ZFHX3: variants seen among roughly 807,000 people sequenced by gnomAD.
ZFHX3 encodes zinc finger homeobox 3.
A neutral mutation model predicts 279.1 loss-of-function variants in ZFHX3; 42 were observed. The observed-to-expected ratio is 0.15, with a 90% CI of 0.12 to 0.19. ZFHX3 has a LOEUF of 0.19. Ranked by LOEUF, ZFHX3 falls within the 10% of genes least tolerant of loss-of-function variation. ZFHX3 has a pLI of 1.00. For synonymous variants in ZFHX3, 2,293 were observed against 1,957.8 expected (o/e 1.17, Z -4.52); for missense variants, 4,981 against 4,754.0 (o/e 1.05, Z -1.40).
At chr16:72,896,803 A>C (rs2038912611) in intron 3 of ZFHX3, among the ~76,000 whole-genome samples, 1 of 152,202 alleles carries the variant, frequency 6.6e-6, no homozygotes, top group Non-Finnish European at 1.5e-5. Context: ...TGGAATGCAA[A>C]ATATTGATCA....
intron 3 of ZFHX3, among the ~76,000 whole-genome samples, chr16:73,453,305 A>C (rs1164883630): frequency 6.6e-6 from 1 of 152,122 alleles, no homozygotes; most frequent in African/African-American, 2.4e-5. Flanking sequence ...CTGAATCTGA[A>C]CTGACCTGTG....
chr16:73,186,531 C>G (rs1967912256), intron 5 of ZFHX3, among the ~76,000 whole-genome samples: 1 of 151,458 alleles, frequency 6.6e-6, no homozygotes, highest in South Asian at 2.1e-4. Flanking sequence ...GATATACCAG[C>G]CAATTCCCTA....
chr16:73,559,372 C>T (rs1372040693), intron 2 of ZFHX3, among the ~76,000 whole-genome samples: 1 of 152,102 alleles, frequency 6.6e-6, no homozygotes, highest in African/African-American at 2.4e-5. Context: ...AAGTACAAGT[C>T]AAGGGTTCCA....
chr16:73,719,184 T>A (rs77101650), intron 1 of ZFHX3, among the ~76,000 whole-genome samples: 1,692 of 152,288 alleles, frequency 0.011, 32 homozygotes, highest in African/African-American at 0.039. Context: ...GAGTATTGAG[T>A]CTGAGTGATA....
At chr16:73,321,928 G>C (rs1283597268) in intron 3 of ZFHX3, among the ~76,000 whole-genome samples, 1 of 152,196 alleles carries the variant, frequency 6.6e-6, no homozygotes, top group Non-Finnish European at 1.5e-5. Flanking sequence ...CTGCACTCAT[G>C]TTCCCTCCTG....
At position 73,658,947 on chromosome 16, in the gene ZFHX3, C is replaced by T. The variant is rs866429438; in HGVS notation, c.-1547+21233G>A. 3.3e-5 allele frequency among the ~76,000 whole-genome samples: 5 copies of T among 152,000 alleles called. No homozygotes were observed. In the East Asian group the frequency reaches 7.7e-4, roughly 24 times the overall value. On this transcript the variant is annotated intron_variant, in intron 2 of 17. Transcript: ENST00000641206. Reference sequence around the variant, plus strand: ...CAAGAACTACTATAATCAGGTGGCACTAACTTTCCCCCCAAATCCACCCAG... The same window carrying T: ...CAAGAACTACTATAATCAGGTGGCATTAACTTTCCCCCCAAATCCACCCAG...
intron 2 of ZFHX3, among the ~76,000 whole-genome samples, chr16:73,626,962 C>G (rs2052422830): frequency 6.6e-6 from 1 of 152,168 alleles, no homozygotes; most frequent in South Asian, 2.1e-4. Flanking sequence ...TATACTTCTA[C>G]TGTAGCCATA....
chr16:73,466,606 A>G (rs1597346357), intron 2 of ZFHX3, among the ~76,000 whole-genome samples: 1 of 152,208 alleles, frequency 6.6e-6, no homozygotes, highest in Non-Finnish European at 1.5e-5. Flanking sequence ...GGGAAAAAAA[A>G]TAGCTGATCT....
At chr16:73,273,560 A>G (rs1290433077) in intron 4 of ZFHX3, among the ~76,000 whole-genome samples, 1 of 152,200 alleles carries the variant, frequency 6.6e-6, no homozygotes, top group Non-Finnish European at 1.5e-5. Flanking sequence ...CAAAGGACTC[A>G]TACTGAACCA....
intron 5 of ZFHX3, among the ~76,000 whole-genome samples, chr16:73,220,779 T>C (rs1040910918): frequency 2.6e-5 from 4 of 152,030 alleles, no homozygotes; most frequent in African/African-American, 9.7e-5. Flanking sequence ...TGTGTGTGTT[T>C]GTGTGTGTGT....
Position 73,805,319 on chromosome 16 carries a change from C to G in ZFHX3, c.-1608+86332G>C, listed in dbSNP as rs1960249601. Among the ~76,000 whole-genome samples, 8 of 152,158 alleles carry G rather than the reference C, an allele frequency of 5.3e-5. No homozygotes were observed. In the South Asian group the frequency reaches 1.7e-3, roughly 32 times the overall value. On this transcript the variant is annotated intron_variant, in intron 1 of 17. Transcript: ENST00000641206. ...AAGTAGCTGGGATTACAGGCACCTG[C>G]CACTACGCCTGGCTAATTTTTGTAT...
intron 3 of ZFHX3, among the ~76,000 whole-genome samples, chr16:73,325,584 G>A (rs369080279): frequency 6.6e-6 from 1 of 152,114 alleles, no homozygotes; most frequent in South Asian, 2.1e-4. Context: ...TCTTCAAAGT[G>A]TCCAGAAGTA....
chr16:73,309,755 A>G (rs1032247526), intron 4 of ZFHX3, among the ~76,000 whole-genome samples: 3 of 152,184 alleles, frequency 2.0e-5, no homozygotes. Context: ...CAGCAGGACA[A>G]TAATGCTTAA....
At chr16:73,460,294 A>G (rs78106361) in intron 2 of ZFHX3, among the ~76,000 whole-genome samples, 3 of 152,088 alleles carry the variant, frequency 2.0e-5, no homozygotes, top group East Asian at 3.9e-4. Flanking sequence ...GCCTGTATCA[A>G]TTGTTTGCTC....
At chr16:73,026,496 A>T (rs1964505556) in intron 1 of ZFHX3, among the ~76,000 whole-genome samples, 1 of 151,798 alleles carries the variant, frequency 6.6e-6, no homozygotes, top group Non-Finnish European at 1.5e-5. Flanking sequence ...ACATGGTGAA[A>T]CCCTGTCTCT....
At chr16:73,694,407 GA>G (rs1197563423) in intron 1 of ZFHX3, among the ~76,000 whole-genome samples, 1 of 152,006 alleles carries the variant, frequency 6.6e-6, no homozygotes, top group African/African-American at 2.4e-5. Context: ...TCAGTGGTGC[GA>G]TATCGGCTTA....
chr16:73,494,010 G>A (rs1046494449), intron 2 of ZFHX3, among the ~76,000 whole-genome samples: 2 of 151,726 alleles, frequency 1.3e-5, no homozygotes, highest in African/African-American at 4.8e-5. Context: ...CCTTCTCCTT[G>A]AAGACTCCAT....
intron 1 of ZFHX3, among the ~76,000 whole-genome samples, chr16:73,791,078 C>T (rs1012799005): frequency 6.6e-6 from 1 of 152,130 alleles, no homozygotes; most frequent in African/African-American, 2.4e-5. Context: ...GATCCTCCCT[C>T]CTCAGCCTCC....
At position 73,851,125 on chromosome 16, in the gene ZFHX3, C is replaced by T. The variant is rs551738271; in HGVS notation, c.-1608+40526G>A. On this transcript the variant is annotated intron_variant, in intron 1 of 17. Coordinates refer to the ZFHX3 transcript ENST00000641206. ...TCTTACTGCTGTCAAAACATGGTTA[C>T]GAACGATTTTTTTCTGCAAAGAGCT... is the stretch of plus-strand genomic sequence containing the variant. Among the ~76,000 whole-genome samples, 7 of 152,182 alleles carry T rather than the reference C, an allele frequency of 4.6e-5. No individual in the cohort carries two copies. In the South Asian group the frequency reaches 1.2e-3, roughly 27 times the overall value.
Sources: gnomAD v4.1 joint callset for allele counts (sites outside exome capture counted in the v4.1 genomes callset) on GRCh38, gnomAD v4.1.1 for gene constraint, MANE v1.5 for transcripts, NCBI Gene and HGNC (gene_info 2026-07-23, HGNC 2026-07-21) for gene names.